The following FAM107B variants were observed in gnomAD, a reference collection of about 807,000 sequenced individuals.
FAM107B encodes the protein protein FAM107B.
In FAM107B, 21 loss-of-function variants were observed where a neutral mutation model predicts 31.5. The observed-to-expected ratio is 0.67, with a 90% CI of 0.47 to 0.96. The LOEUF is 0.96. Ranked by LOEUF, FAM107B falls within the 40% of genes least tolerant of loss-of-function variation. The probability of loss-of-function intolerance (pLI) is 0.00; values close to 1 mark genes in which losing one functional copy is unlikely to be tolerated. For synonymous variants in FAM107B, 157 were observed against 141.5 expected, an observed-to-expected ratio of 1.11 and a Z score of -0.78; for missense variants, 452 against 377.1, an observed-to-expected ratio of 1.20 and a Z score of -1.64.
intron 2 of FAM107B, among the ~76,000 whole-genome samples, chr10:14,595,105 G>A (rs900932692): frequency 6.6e-6 from 1 of 152,076 alleles, no homozygotes; most frequent in Admixed American, 6.6e-5. Flanking sequence ...GACTGGGGGT[G>A]GGAGGGGGAA....
chr10:14,541,070 T>G (rs1296479306), intron 2 of FAM107B, among the ~76,000 whole-genome samples: 1 of 152,158 alleles, frequency 6.6e-6, no homozygotes, highest in East Asian at 1.9e-4. Flanking sequence ...TCTCACAGGT[T>G]TCAACCCTAA....
intron 2 of FAM107B, among the ~76,000 whole-genome samples, chr10:14,572,951 T>A (rs981935778): frequency 2.0e-5 from 3 of 151,794 alleles, no homozygotes; most frequent in Non-Finnish European, 4.4e-5. Context: ...TAGATTGTTA[T>A]TACTATATTA....
intron 1 of FAM107B, among the ~76,000 whole-genome samples, chr10:14,726,646 A>G (rs1744128473): frequency 6.6e-6 from 1 of 152,144 alleles, no homozygotes; most frequent in South Asian, 2.1e-4. Context: ...AAATGGCTTG[A>G]TCCTATGTAG....
intron 2 of FAM107B, among the ~76,000 whole-genome samples, chr10:14,547,860 T>C (rs1848845233): frequency 6.6e-6 from 1 of 152,246 alleles, no homozygotes; most frequent in African/African-American, 2.4e-5. Flanking sequence ...GATTTCTGCT[T>C]CCGCAATGAA....
At chr10:14,566,920 G>T (rs1226554401) in intron 2 of FAM107B, among the ~76,000 whole-genome samples, 2 of 152,204 alleles carry the variant, frequency 1.3e-5, no homozygotes, top group Non-Finnish European at 2.9e-5. Context: ...GGGAGGCCGA[G>T]GCGGGCAAAA....
At chr10:14,536,136 T>C (rs1237318910) in intron 2 of FAM107B, among the ~76,000 whole-genome samples, 1 of 152,256 alleles carries the variant, frequency 6.6e-6, no homozygotes, top group Admixed American at 6.5e-5. Flanking sequence ...ATTCAAAACC[T>C]AATCCTCTAA....
intron 2 of FAM107B, among the ~76,000 whole-genome samples, chr10:14,616,351 G>A (rs1385617375): frequency 6.6e-6 from 1 of 152,134 alleles, no homozygotes; most frequent in Non-Finnish European, 1.5e-5. Flanking sequence ...AAGGGGCATT[G>A]TTTTTACTGA....
chr10:14,674,730 G>GTTTGT (rs111507627), intron 1 of FAM107B, among the ~76,000 whole-genome samples: 12 of 152,232 alleles, frequency 7.9e-5, no homozygotes, highest in African/African-American at 2.4e-4. Flanking sequence ...AAACAGAGTT[G>GTTTGT]TTTGTTTTGT....
chr10:14,575,550 A>G (rs974302067), intron 2 of FAM107B, among the ~76,000 whole-genome samples: 1 of 152,170 alleles, frequency 6.6e-6, no homozygotes, highest in Non-Finnish European at 1.5e-5. Context: ...AAGAAAAAGC[A>G]CTGTGTGATG....
intron 1 of FAM107B, among the ~76,000 whole-genome samples, chr10:14,703,950 G>A (rs573869346): frequency 2.6e-5 from 4 of 152,224 alleles, no homozygotes; most frequent in Non-Finnish European, 5.9e-5. Context: ...CATTTTTAAA[G>A]GGGGAGAGGA....
At chr10:14,542,421 T>A (rs1446941950) in intron 2 of FAM107B, among the ~76,000 whole-genome samples, 1 of 152,166 alleles carries the variant, frequency 6.6e-6, no homozygotes, top group African/African-American at 2.4e-5. Context: ...ATACCTCTTG[T>A]AGGATACTGA....
At chr10:14,526,042 G>C (rs937623712) in intron 3 of FAM107B, among the ~76,000 whole-genome samples, 2 of 152,104 alleles carry the variant, frequency 1.3e-5, no homozygotes, top group African/African-American at 4.8e-5. Context: ...TCATTACCTG[G>C]GACAGCATTC....
rs1853282085 is a variant in FAM107B at position 14,629,438 on chromosome 10, T to TATATTTAATATATATAATATATATA, written c.469+38195_469+38196insTATATATATTATATATATTAAATAT. Reference sequence around the variant, plus strand: ...TATATAATATATATAATATATATTATATATATATTATATATATATTATATA... The same window carrying TATATTTAATATATATAATATATATA: ...TATATAATATATATAATATATATTATATATTTAATATATATAATATATATAATATATATTATATATATATTATATA... On this transcript the variant is annotated intron_variant, in intron 2 of 4. Transcript: ENST00000181796. Among the ~76,000 whole-genome samples, 5 of 6,114 alleles carry TATATTTAATATATATAATATATATA rather than the reference T, an allele frequency of 8.2e-4. 1 individual carries two copies. The highest frequency in any genetic ancestry group is 5.0e-3 in the African/African-American group (5 of 998). 4.0% of individuals were successfully genotyped at this position (6,114 alleles called of 152,430 possible).
In FAM107B at chr10:14,626,748, C is replaced by T. The variant is rs142446521; in HGVS notation, c.469+40886G>A. Among the ~76,000 whole-genome samples, 398 of 152,154 alleles carry T rather than the reference C, an allele frequency of 2.6e-3. 3 individuals carry two copies. The highest frequency in any genetic ancestry group is 8.9e-3 in the African/African-American group (371 of 41,522). On this transcript the variant is annotated intron_variant, in intron 2 of 4. Transcript: ENST00000181796. Reference sequence around the variant, plus strand: ...TCGATCTCCTGACCTCGTGATCTGCCCGCCTGAGATGGATCATTTTATAGT... The same window carrying T: ...TCGATCTCCTGACCTCGTGATCTGCTCGCCTGAGATGGATCATTTTATAGT...
At chr10:14,584,820 G>T (rs1457434141) in intron 2 of FAM107B, among the ~76,000 whole-genome samples, 2 of 152,204 alleles carry the variant, frequency 1.3e-5, no homozygotes, top group Non-Finnish European at 2.9e-5. Flanking sequence ...GAAACTGAAA[G>T]GACCTCTGCT....
chr10:14,568,268 C>T (rs1163730773), intron 2 of FAM107B, among the ~76,000 whole-genome samples: 1 of 149,680 alleles, frequency 6.7e-6, no homozygotes, highest in Non-Finnish European at 1.5e-5. Context: ...ACTCCCATTC[C>T]CAAGGGAGCC....
At chr10:14,691,710 T>C (rs1334106221) in intron 1 of FAM107B, among the ~76,000 whole-genome samples, 1 of 152,022 alleles carries the variant, frequency 6.6e-6, no homozygotes, top group Non-Finnish European at 1.5e-5. Context: ...CTGGCCAACA[T>C]GGTGAAACCC....
At chr10:14,652,875 G>A (rs1003053583) in intron 2 of FAM107B, 1 of 152,188 alleles carries the variant, frequency 6.6e-6, no homozygotes, top group Non-Finnish European at 1.5e-5. Flanking sequence ...AGGAGTTAAT[G>A]CAATTATCCA....
chr10:14,690,016 A>C (rs1258377487), intron 1 of FAM107B, among the ~76,000 whole-genome samples: 2 of 113,998 alleles, frequency 1.8e-5, no homozygotes, highest in Non-Finnish European at 3.5e-5. Context: ...GAAGGAAGGA[A>C]GGAAGGAAGG....
Sources: allele counts gnomAD v4.1 joint callset (sites outside exome capture counted in the v4.1 genomes callset), GRCh38; gene constraint gnomAD v4.1.1; transcripts MANE v1.5; gene names NCBI Gene and HGNC (gene_info 2026-07-23, HGNC 2026-07-21).